SYN2: variants seen among roughly 807,000 people sequenced by gnomAD.
The protein encoded by SYN2 is synapsin II.
A neutral mutation model predicts 50.9 loss-of-function variants in SYN2; 19 were observed. That is an observed-to-expected ratio of 0.37 (90% CI 0.26 to 0.55). The LOEUF is 0.55. Ranked by LOEUF, SYN2 falls within the 20% of genes least tolerant of loss-of-function variation. The probability of loss-of-function intolerance (pLI) is 0.81; values close to 1 mark genes in which losing one functional copy is unlikely to be tolerated. For synonymous variants in SYN2, 255 were observed against 224.9 expected (o/e 1.13, Z -1.20); for missense variants, 587 against 576.4 (o/e 1.02, Z -0.19).
intron 1 of SYN2, among the ~76,000 whole-genome samples, chr3:12,116,985 A>C (rs1192052579): frequency 6.6e-6 from 1 of 152,104 alleles, no homozygotes; most frequent in African/African-American, 2.4e-5. Flanking sequence ...TCCTCAGCTT[A>C]AGCAATCTTC....
chr3:12,052,604 A>C (rs1694890362), intron 1 of SYN2, among the ~76,000 whole-genome samples: 1 of 152,186 alleles, frequency 6.6e-6, no homozygotes, highest in Non-Finnish European at 1.5e-5. Context: ...TAGATCCCTG[A>C]TCTCTGGATA....
chr3:12,067,140 G>A lies in SYN2; in HGVS notation c.377+62212G>A, dbSNP rs112878139. On this transcript the variant is annotated intron_variant, in intron 1 of 12. Coordinates refer to ENST00000621198, the MANE Select transcript of SYN2 (RefSeq NM_133625.6). ...ATGGGAACTACAAGATGAGATTTGCGTGGGGATACAGCCAAACCATATCAA... is the reference window on the plus strand; with the variant it reads ...ATGGGAACTACAAGATGAGATTTGCATGGGGATACAGCCAAACCATATCAA... Among the ~76,000 whole-genome samples the A allele has an allele frequency of 2.0e-4, 31 of 152,210 alleles. 2 individuals are homozygous for A. The highest frequency in any genetic ancestry group is 3.9e-4 in the African/African-American group (16 of 41,526).
At chr3:12,051,854 A>G (rs898254955) in intron 1 of SYN2, among the ~76,000 whole-genome samples, 2 of 152,198 alleles carry the variant, frequency 1.3e-5, no homozygotes, top group African/African-American at 4.8e-5. Flanking sequence ...TTCATATGGA[A>G]GGTTTCTCAG....
intron 1 of SYN2, among the ~76,000 whole-genome samples, chr3:12,103,484 C>A (rs1696118590): frequency 2.0e-5 from 3 of 152,086 alleles, no homozygotes; most frequent in African/African-American, 7.2e-5. Flanking sequence ...GTAAAGTATT[C>A]CAAAGCCTTG....
chr3:12,186,799 C>T (rs1698349586), intron 11 of SYN2, among the ~76,000 whole-genome samples: 1 of 152,214 alleles, frequency 6.6e-6, no homozygotes, highest in South Asian at 2.1e-4. Context: ...GAAGAACTTG[C>T]TCAACCCTAT....
At chr3:12,044,687 C>T (rs184278821) in intron 1 of SYN2, among the ~76,000 whole-genome samples, 6 of 152,270 alleles carry the variant, frequency 3.9e-5, no homozygotes, top group Admixed American at 3.9e-4. Flanking sequence ...CATTATAAGT[C>T]TACATGGTAA....
chr3:12,114,193 T>C (rs1364333461), intron 1 of SYN2, among the ~76,000 whole-genome samples: 1 of 152,106 alleles, frequency 6.6e-6, no homozygotes. Flanking sequence ...ATTCCCTTAA[T>C]GACGAATGAT....
At chr3:12,005,719 A>G (rs1271808142) in intron 1 of SYN2, among the ~76,000 whole-genome samples, 1 of 151,814 alleles carries the variant, frequency 6.6e-6, no homozygotes, top group African/African-American at 2.4e-5. Context: ...TACAAATAAA[A>G]GGAGACCTGC....
chr3:12,178,490 G>A (rs1008682807), intron 10 of SYN2, among the ~76,000 whole-genome samples: 2 of 152,176 alleles, frequency 1.3e-5, no homozygotes, highest in African/African-American at 2.4e-5. Flanking sequence ...TCTGTCACAG[G>A]CCAGTGATTT....
chr3:12,145,937 G>C, intron 4 of SYN2, 102 bp downstream of exon 4: 6 of 1,522,436 alleles, frequency 3.9e-6, no homozygotes, highest in Non-Finnish European at 5.4e-6. Flanking sequence ...CCAGCCCCAG[G>C]AGGGTCCCTA....
At chr3:12,067,444 A>G (rs1285703709) in intron 1 of SYN2, among the ~76,000 whole-genome samples, 1 of 152,138 alleles carries the variant, frequency 6.6e-6, no homozygotes, top group African/African-American at 2.4e-5. Context: ...TCCTTTGTTG[A>G]ACTCCTCTAA....
chr3:12,151,046 C>G (rs569161990), intron 4 of SYN2, among the ~76,000 whole-genome samples, 191 bp from the exon 5 acceptor site: 11 of 152,368 alleles, frequency 7.2e-5, no homozygotes, highest in Non-Finnish European at 1.6e-4. Flanking sequence ...TTAGCTCACT[C>G]TCTTTCCCTT....
At chr3:12,104,700 T>C (rs920239315) in intron 1 of SYN2, among the ~76,000 whole-genome samples, 22 of 149,390 alleles carry the variant, frequency 1.5e-4, no homozygotes, top group African/African-American at 5.5e-4. Flanking sequence ...GCCTCTCAAG[T>C]AGCTGGAATT....
At chr3:12,090,310 G>A (rs1695798462) in intron 1 of SYN2, among the ~76,000 whole-genome samples, 1 of 152,134 alleles carries the variant, frequency 6.6e-6, no homozygotes, top group Non-Finnish European at 1.5e-5. Flanking sequence ...ACTCTAGCCT[G>A]TCTCTGACTT....
chr3:12,187,520 C>T lies in SYN2; in HGVS notation c.1521C>T (p.His507=), dbSNP rs368099866. The change falls in exon 12 of 13, where the codon CAC becomes CAT. Residue 507 remains histidine, a synonymous_variant. Transcript: ENST00000621198. ...APQRPGGPTT[H]GDAPSSSSSL... is the part of the protein sequence containing the mutation. Reference sequence around the variant, plus strand: ...AGCGGCCGGGCGGCCCCACCACCCACGGAGATGCACCCTCCAGCAGCAGCT... The same window carrying T: ...AGCGGCCGGGCGGCCCCACCACCCATGGAGATGCACCCTCCAGCAGCAGCT... 9.4e-5 allele frequency: 146 copies of T among 1,552,612 alleles called. No homozygotes were observed. The highest frequency in any genetic ancestry group is 3.3e-4 in the Middle Eastern group (2 of 6,016).
intron 1 of SYN2, among the ~76,000 whole-genome samples, chr3:12,011,360 G>A (rs957140844): frequency 1.3e-5 from 2 of 152,158 alleles, no homozygotes; most frequent in African/African-American, 2.4e-5. Context: ...GATCTAGAAG[G>A]CTTTTCTGTT....
chr3:12,038,178 T>G (rs1255475905), intron 1 of SYN2, among the ~76,000 whole-genome samples: 2 of 152,202 alleles, frequency 1.3e-5, no homozygotes, highest in Admixed American at 6.5e-5. Flanking sequence ...TCTATTGAAT[T>G]GTCTTGACAC....
intron 1 of SYN2, among the ~76,000 whole-genome samples, chr3:12,005,907 T>G (rs890999546): frequency 1.0e-4 from 15 of 143,874 alleles, no homozygotes; most frequent in Non-Finnish European, 1.5e-4. Flanking sequence ...AATGGTGGGA[T>G]GGTGAAATTG....
intron 1 of SYN2, among the ~76,000 whole-genome samples, chr3:12,025,513 A>AT (rs1694238611): frequency 6.6e-6 from 1 of 152,118 alleles, no homozygotes; most frequent in Non-Finnish European, 1.5e-5. Flanking sequence ...TGTTGTGTTG[A>AT]TTTTACAAGC....
Sources: gnomAD v4.1 joint callset for allele counts (sites outside exome capture counted in the v4.1 genomes callset) on GRCh38, gnomAD v4.1.1 for gene constraint, MANE v1.5 for transcripts, NCBI Gene and HGNC (gene_info 2026-07-23, HGNC 2026-07-21) for gene names.